GRID2: variants seen among roughly 807,000 people sequenced by gnomAD.
GRID2 encodes glutamate receptor ionotropic, delta-2.
Under a neutral mutation model 114.8 loss-of-function variants are expected in GRID2, and 33 were observed. That is an observed-to-expected ratio of 0.29 (90% CI 0.22 to 0.38). GRID2 has a LOEUF of 0.38. Among genes scored for constraint, GRID2 ranks in the 10% least tolerant of loss-of-function variants. The pLI is 1.00. For missense variants in GRID2, 1,184 were observed against 1,257.7 expected (o/e 0.94, Z 0.89); for synonymous variants, 505 against 449.9 (o/e 1.12, Z -1.55).
At chr4:93,205,808 C>T (rs1742685837) in intron 4 of GRID2, among the ~76,000 whole-genome samples, 1 of 152,094 alleles carries the variant, frequency 6.6e-6, no homozygotes, top group South Asian at 2.1e-4. Flanking sequence ...TCCACATCCT[C>T]TCCAGCACCT....
At chr4:93,768,916 T>C (rs1733892182) in intron 14 of GRID2, among the ~76,000 whole-genome samples, 1 of 146,550 alleles carries the variant, frequency 6.8e-6, no homozygotes, top group Non-Finnish European at 1.5e-5. Flanking sequence ...GGAAAATATT[T>C]AGAATTATAG....
At chr4:93,635,358 CACT>C (rs1190838485) in intron 14 of GRID2, among the ~76,000 whole-genome samples, 1 of 149,912 alleles carries the variant, frequency 6.7e-6, no homozygotes, top group East Asian at 1.9e-4. Context: ...ACTGAAGGTT[CACT>C]CTCAAAGGGA....
chr4:93,553,662 C>T (rs553620719), intron 13 of GRID2, among the ~76,000 whole-genome samples: 19 of 152,278 alleles, frequency 1.2e-4, no homozygotes, highest in African/African-American at 4.6e-4. Context: ...TATGAACCTA[C>T]TTTTAACTTT....
intron 3 of GRID2, among the ~76,000 whole-genome samples, chr4:93,086,375 A>G (rs1401695738): frequency 1.3e-5 from 2 of 152,236 alleles, no homozygotes; most frequent in Non-Finnish European, 2.9e-5. Flanking sequence ...GAGAACAGTT[A>G]CACAAGAGTC....
chr4:92,428,461 A>G (rs576764307), intron 1 of GRID2, among the ~76,000 whole-genome samples: 1 of 152,220 alleles, frequency 6.6e-6, no homozygotes, highest in South Asian at 2.1e-4. Flanking sequence ...AGTAAGGAAA[A>G]CAAAAGAGAA....
chr4:92,879,653 C>T (rs1745866106), intron 2 of GRID2, among the ~76,000 whole-genome samples: 1 of 152,322 alleles, frequency 6.6e-6, no homozygotes, highest in East Asian at 1.9e-4. Flanking sequence ...AACAAAGAGA[C>T]TTTCAATTAT....
At chr4:92,513,083 A>G (rs1724335076) in intron 1 of GRID2, among the ~76,000 whole-genome samples, 1 of 151,896 alleles carries the variant, frequency 6.6e-6, no homozygotes, top group South Asian at 2.1e-4. Flanking sequence ...TATAGCAATG[A>G]CAACCTTCCT....
chr4:93,728,704 C>T (rs1324883049), intron 14 of GRID2, among the ~76,000 whole-genome samples: 1 of 152,110 alleles, frequency 6.6e-6, no homozygotes, highest in Non-Finnish European at 1.5e-5. Context: ...GGATAGGTAG[C>T]TCTTCTTGTT....
chr4:93,031,829 G>C lies in GRID2; in HGVS notation c.245-53166G>C, dbSNP rs79919830. On this transcript the variant is annotated intron_variant, in intron 2 of 15. Transcript: ENST00000282020. ...CTGACTAAAACAGTAGGGTAAGGTT[G>C]TACCAACTTTGGGGAAGATAGTAGT... Among the ~76,000 whole-genome samples the C allele has an allele frequency of 5.9e-5, 9 of 151,766 alleles. No individual in the cohort carries two copies. In the East Asian group the frequency reaches 1.7e-3, roughly 29 times the overall value.
chr4:93,354,619 C>T (rs760925404), intron 8 of GRID2, among the ~76,000 whole-genome samples: 5 of 150,088 alleles, frequency 3.3e-5, no homozygotes, highest in African/African-American at 4.9e-5. Context: ...TTTTAAACTA[C>T]GCTAAAGTAG....
In GRID2 at chr4:93,769,231, T is replaced by C; in HGVS notation, c.2382T>C (p.Asn794=). Residue 794 remains asparagine (N), a synonymous_variant, in exon 15 of 16, where the codon AAT becomes AAC. Transcript: ENST00000282020. The stretch of plus-strand genomic sequence containing the variant: ...CAAGGATCCTGGAGCTTCAGCAGAA[T>C]GGTGACATGGACATCCTGAAGCACA... ...FSQRILELQQ[N]GDMDILKHKW... is the part of the protein sequence containing the mutation. 1 of 1,613,822 alleles carries C rather than the reference T, an allele frequency of 6.2e-7. No individual in the cohort carries two copies. The highest frequency in any genetic ancestry group is 2.2e-5 in the East Asian group (1 of 44,876).
At chr4:92,698,894 T>A (rs1269800445) in intron 2 of GRID2, among the ~76,000 whole-genome samples, 1 of 152,122 alleles carries the variant, frequency 6.6e-6, no homozygotes, top group Non-Finnish European at 1.5e-5. Context: ...ACGTACAGAA[T>A]ATAGAAAAAC....
intron 8 of GRID2, among the ~76,000 whole-genome samples, chr4:93,288,223 A>G (rs1359661896): frequency 1.3e-5 from 2 of 152,206 alleles, no homozygotes; most frequent in East Asian, 3.8e-4. Flanking sequence ...GCTTGAAATT[A>G]TCATTGTTTC....
chr4:92,566,759 T>C (rs763204516), intron 1 of GRID2, among the ~76,000 whole-genome samples: 33 of 152,066 alleles, frequency 2.2e-4, no homozygotes, highest in Middle Eastern at 3.2e-3. Context: ...AAATAAATGG[T>C]GCTAAAATGT....
At chr4:92,430,299 G>T (rs1360129830) in intron 1 of GRID2, among the ~76,000 whole-genome samples, 1 of 152,006 alleles carries the variant, frequency 6.6e-6, no homozygotes, top group Admixed American at 6.5e-5. Context: ...AGAGATAGGG[G>T]TAGTTTCATT....
intron 10 of GRID2, among the ~76,000 whole-genome samples, chr4:93,425,917 C>A (rs545013240): frequency 6.6e-6 from 1 of 152,148 alleles, no homozygotes; most frequent in African/African-American, 2.4e-5. Context: ...GCTCTCCAGT[C>A]TTTTCTATAT....
chr4:92,818,063 T>C (rs778351277), intron 2 of GRID2, among the ~76,000 whole-genome samples: 49 of 152,298 alleles, frequency 3.2e-4, no homozygotes, highest in African/African-American at 1.1e-3. Context: ...ATATGAGATA[T>C]TGATGATCAT....
chr4:92,754,003 C>T (rs1346084422), intron 2 of GRID2, among the ~76,000 whole-genome samples: 2 of 152,138 alleles, frequency 1.3e-5, no homozygotes, highest in Non-Finnish European at 2.9e-5. Flanking sequence ...ATTTGTTCTC[C>T]ATCATTTCCA....
intron 7 of GRID2, among the ~76,000 whole-genome samples, chr4:93,229,265 A>G (rs910891496): frequency 3.3e-5 from 5 of 152,208 alleles, no homozygotes; most frequent in East Asian, 1.9e-4. Context: ...AAGAAAGTTC[A>G]TTACTCACAT....
Sources: allele counts gnomAD v4.1 joint callset (sites outside exome capture counted in the v4.1 genomes callset), GRCh38; gene constraint gnomAD v4.1.1; transcripts MANE v1.5; gene names NCBI Gene and HGNC (gene_info 2026-07-23, HGNC 2026-07-21).